Variants in CHD3 observed in about 807,000 individuals in gnomAD.
CHD3 encodes ATP-dependent chromatin remodeler CHD3.
A neutral mutation model predicts 248.9 loss-of-function variants in CHD3; 52 were observed. That is an observed-to-expected ratio of 0.21 (90% CI 0.17 to 0.26). CHD3 has a LOEUF of 0.26. Among genes scored for constraint, CHD3 ranks in the 10% least tolerant of loss-of-function variants. The pLI is 1.00. For synonymous variants in CHD3, 985 were observed against 985.2 expected, an observed-to-expected ratio of 1.00 and a Z score of 0.00; for missense variants, 1,482 against 2,605.8, an observed-to-expected ratio of 0.57 and a Z score of 9.39.
chr17:7,899,592 C>G lies in CHD3; in HGVS notation c.2544+49C>G, dbSNP rs763610261. On this transcript the variant is annotated intron_variant, in intron 15 of 39. Transcript: ENST00000330494. This position sits in a 1 kb window ranked among gnomAD's most constrained non-coding sequence, Gnocchi z 6.8. ...TCTGAGACCCTCAAAGCTGTCACTT[C>G]TTTTTCTCAGCCAGGAATTCAGTTT... The G allele has an allele frequency of 1.3e-4, 199 of 1,567,888 alleles. No homozygotes were observed. The highest frequency in any genetic ancestry group is 1.6e-4 in the Non-Finnish European group (186 of 1,143,928).
chr17:7,885,156 G>C (rs1967596338), upstream of CHD3: 2 of 981,990 alleles, frequency 2.0e-6, no homozygotes, highest in South Asian at 9.0e-5. Flanking sequence ...GCGGGGGCGA[G>C]GCACCCACCG....
Position 7,910,290 on chromosome 17 carries a change from G to A in CHD3, c.5591-138G>A. ...ACTTCTTTTACTTTCTTGATCTCTG[G>A]TTCTTTGACATCTGTGTTCTCCTCT... is the stretch of plus-strand genomic sequence containing the variant. On this transcript the variant is annotated intron_variant, in intron 37 of 39. Transcript: ENST00000330494. This position sits in a 1 kb window ranked among gnomAD's most constrained non-coding sequence, Gnocchi z 4.7. The A allele has an allele frequency of 9.5e-7, 1 of 1,055,700 alleles. No homozygotes were observed. The highest frequency in any genetic ancestry group is 1.5e-6 in the Non-Finnish European group (1 of 686,852). 65.4% of individuals were successfully genotyped at this position (1,055,700 alleles called of 1,614,324 possible). A position where few individuals can be genotyped will look rare whatever the true frequency, so the allele number is the denominator to read the frequency against.
At chr17:7,892,945 T>C (rs898762038) in intron 4 of CHD3, among the ~76,000 whole-genome samples, 1 of 151,902 alleles carries the variant, frequency 6.6e-6, no homozygotes, top group Non-Finnish European at 1.5e-5. Flanking sequence ...TAATTATTTT[T>C]TTTTATTTTA....
intron 12 of CHD3, among the ~76,000 whole-genome samples, 184 bp downstream of exon 12, chr17:7,898,286 C>G (rs977174131): frequency 7.9e-5 from 12 of 152,160 alleles, no homozygotes; most frequent in African/African-American, 2.9e-4. Flanking sequence ...GAAACAAGAT[C>G]TGGCTGAGTA....
rs1241139282 is a variant in CHD3, at chr17:7,910,220, C to T, written c.5591-208C>T. The T allele has an allele frequency of 3.3e-6, 2 of 606,688 alleles. No individual in the cohort carries two copies. The highest frequency in any genetic ancestry group is 5.8e-6 in the Non-Finnish European group (2 of 344,232). 37.6% of individuals were successfully genotyped at this position (606,688 alleles called of 1,614,324 possible). ...GTAATCTGGTCTCTCTGTCTCTTTT[C>T]CTGACACTTTTTCTTTTCCCCTGAG... is the stretch of plus-strand genomic sequence containing the variant. On this transcript the variant is annotated intron_variant, in intron 37 of 39. Coordinates refer to ENST00000330494, the MANE Select transcript of CHD3 (RefSeq NM_001005273.3). The surrounding 1 kb of genome is among the most constrained non-coding windows in gnomAD (Gnocchi z 4.7).
Position 7,904,670 on chromosome 17 carries a change from A to C in CHD3, c.4072+51A>C. The stretch of plus-strand genomic sequence containing the variant: ...GTAAAGGGGGGAAGTGATGATGAGT[A>C]GGGACTTGAAGGCTGGAGCTATTTA... On this transcript the variant is annotated intron_variant, in intron 25 of 39. Coordinates refer to ENST00000330494, the MANE Select transcript of CHD3 (RefSeq NM_001005273.3). This position sits in a 1 kb window ranked among gnomAD's most constrained non-coding sequence, Gnocchi z 4.4. 6.6e-7 allele frequency: 1 copy of C among 1,504,578 alleles called. No individual in the cohort carries two copies. Among genetic ancestry groups the C allele is most frequent in the Non-Finnish European group, 9.1e-7 (1 of 1,095,482 alleles). 93.2% of individuals were successfully genotyped at this position (1,504,578 alleles called of 1,614,324 possible). A position where few individuals can be genotyped will look rare whatever the true frequency, so the allele number is the denominator to read the frequency against.
rs543644320 is a variant in CHD3, at chr17:7,889,379, A to C, written c.100+279A>C. 2.2e-4 allele frequency among the ~76,000 whole-genome samples: 34 copies of C among 152,338 alleles called. No homozygotes were observed. The highest frequency in any genetic ancestry group is 7.9e-4 in the African/African-American group (33 of 41,584). ...GGCGGTGACTGAAAGGACCTGCCACAGTCAGAGCCCATGGCCTGGAGCCTG... is the reference window on the plus strand; with the variant it reads ...GGCGGTGACTGAAAGGACCTGCCACCGTCAGAGCCCATGGCCTGGAGCCTG... On this transcript the variant is annotated intron_variant, in intron 1 of 39. Transcript: ENST00000330494. This position sits in a 1 kb window ranked among gnomAD's most constrained non-coding sequence, Gnocchi z 4.5.
chr17:7,885,682 G>A (rs1394870664), upstream of CHD3, among the ~76,000 whole-genome samples: 1 of 152,118 alleles, frequency 6.6e-6, no homozygotes, highest in Non-Finnish European at 1.5e-5. Flanking sequence ...CTCAGGACTT[G>A]GACAGGCAGA....
chr17:7,901,273 T>C lies in CHD3; in HGVS notation c.3150T>C (p.Tyr1050=), dbSNP rs1193474374. The part of the protein sequence containing the change: ...MESPKLPSGA[Y]EGGALIKSSG... Reference sequence around the variant, plus strand: ...CCCCCAAACTCCCCAGTGGGGCTTATGAGGGTGGGGCACTTATTAAGTCGT... The same window carrying C: ...CCCCCAAACTCCCCAGTGGGGCTTACGAGGGTGGGGCACTTATTAAGTCGT... The change falls in exon 20 of 40, where the codon TAT becomes TAC. Residue 1050 remains tyrosine, a synonymous_variant. Coordinates refer to ENST00000330494, the MANE Select transcript of CHD3 (RefSeq NM_001005273.3). 2 of 1,612,380 alleles carry C rather than the reference T, an allele frequency of 1.2e-6. No individual in the cohort carries two copies. Among genetic ancestry groups the C allele is most frequent in the East Asian group, 2.2e-5 (1 of 44,860 alleles).
In CHD3 at chr17:7,897,076, C is replaced by A; in HGVS notation, c.1708-7C>A. 6.2e-7 allele frequency: 1 copy of A among 1,612,636 alleles called. No homozygotes were observed. ...TATCTCTTTCCCTTTTTTCTGTGCC[C>A]TGCTAGCTGGAAATCTTCCATTTGG... On this transcript the variant is annotated splice_region_variant and splice_polypyrimidine_tract_variant and intron_variant, in intron 10 of 39. Coordinates refer to ENST00000330494, the MANE Select transcript of CHD3 (RefSeq NM_001005273.3). The surrounding 1 kb of genome is among the most constrained non-coding windows in gnomAD (Gnocchi z 4.8).
At chr17:7,898,181 T>G in intron 12 of CHD3, 79 bp downstream of exon 12, 2 of 1,542,870 alleles carry the variant, frequency 1.3e-6, no homozygotes, top group Non-Finnish European at 1.8e-6. Context: ...AAAATGAGGG[T>G]ACAGTAGGGC....
In CHD3 at chr17:7,911,014, C is replaced by A; in HGVS notation, c.5881+41C>A. On this transcript the variant is annotated intron_variant, in intron 39 of 39. Coordinates refer to ENST00000330494, the MANE Select transcript of CHD3 (RefSeq NM_001005273.3). The surrounding 1 kb of genome is among the most constrained non-coding windows in gnomAD (Gnocchi z 5.4). ...CCTACCCCCTGCTACTCACACTCCT[C>A]CTTTGCCAAACTTTATTTCTGCTCA... is the stretch of plus-strand genomic sequence containing the variant. 1 of 1,609,252 alleles carries A rather than the reference C, an allele frequency of 6.2e-7. No homozygotes were observed. Among genetic ancestry groups the A allele is most frequent in the South Asian group, 1.1e-5 (1 of 90,482 alleles).
In CHD3 at chr17:7,906,445, C is replaced by T. The variant is rs1970961678; in HGVS notation, c.4359-108C>T. The T allele has an allele frequency of 4.2e-6, 5 of 1,190,286 alleles. No homozygotes were observed. Among genetic ancestry groups the T allele is most frequent in the Non-Finnish European group, 3.6e-6 (3 of 822,096 alleles). The allele number at this position is 1,190,286 out of a possible 1,614,324, so 73.7% of individuals were successfully genotyped here. ...GCCCAGGGGAGGAGCCCTGGAGCACCTGGGGATTTGGGGGTTTGGGGGTCC... is the reference window on the plus strand; with the variant it reads ...GCCCAGGGGAGGAGCCCTGGAGCACTTGGGGATTTGGGGGTTTGGGGGTCC... On this transcript the variant is annotated intron_variant, in intron 28 of 39. Coordinates refer to ENST00000330494, the MANE Select transcript of CHD3 (RefSeq NM_001005273.3). This position sits in a 1 kb window ranked among gnomAD's most constrained non-coding sequence, Gnocchi z 5.0.
rs1161292873 is a variant in CHD3 at position 7,895,174 on chromosome 17, G to A, written c.1503+24G>A. The stretch of plus-strand genomic sequence containing the variant: ...CAGTGAGTGGAAACATCTCCCCTCT[G>A]TATTTACTGTCAGGCCTGATCCCTT... On this transcript the variant is annotated intron_variant, in intron 9 of 39. Transcript: ENST00000330494. This position sits in a 1 kb window ranked among gnomAD's most constrained non-coding sequence, Gnocchi z 4.9. The A allele has an allele frequency of 6.2e-7, 1 of 1,608,800 alleles. No homozygotes were observed. Among genetic ancestry groups the A allele is most frequent in the Non-Finnish European group, 8.5e-7 (1 of 1,176,708 alleles).
In CHD3 at chr17:7,898,568, T is replaced by A; in HGVS notation, c.2124T>A (p.Asp708Glu). ...YKKKKKELQG[D>E]GPPSSPTNDP... ...AGAAGAAGAAGGAGCTACAGGGTGATGGGCCTCCCAGTTCTCCCACTAATG... is the reference window on the plus strand; with the variant it reads ...AGAAGAAGAAGGAGCTACAGGGTGAAGGGCCTCCCAGTTCTCCCACTAATG... Residue 708 changes from aspartate to glutamate, a missense_variant, in exon 13 of 40, where the codon GAT (aspartate) becomes GAA (glutamate). By Grantham distance (45) the Asp-to-Glu change is conservative. Coordinates refer to ENST00000330494, the MANE Select transcript of CHD3 (RefSeq NM_001005273.3). 6.2e-7 allele frequency: 1 copy of A among 1,613,972 alleles called. No homozygotes were observed.
Position 7,893,396 on chromosome 17 carries a change from C to T in CHD3, c.620C>T (p.Ala207Val). 4.3e-6 allele frequency: 7 copies of T among 1,613,600 alleles called. No homozygotes were observed. The highest frequency in any genetic ancestry group is 5.9e-6 in the Non-Finnish European group (7 of 1,179,822). The change falls in exon 5 of 40, where the codon GCT becomes GTT. Residue 207 changes from alanine to valine, a missense_variant. Coordinates refer to ENST00000330494, the MANE Select transcript of CHD3 (RefSeq NM_001005273.3). Reference protein sequence around the residue: ...SANNPFKGSAAAVAAAAAAAA... With the variant: ...SANNPFKGSAVAVAAAAAAAA... The stretch of plus-strand genomic sequence containing the variant: ...AACAACCCCTTCAAGGGGTCAGCAG[C>T]TGCTGTGGCGGCGGCAGCGGCAGCA...
At position 7,908,123 on chromosome 17, in the gene CHD3, A is replaced by G; in HGVS notation, c.5152+104A>G. On this transcript the variant is annotated intron_variant, in intron 34 of 39. Coordinates refer to ENST00000330494, the MANE Select transcript of CHD3 (RefSeq NM_001005273.3). This position sits in a 1 kb window ranked among gnomAD's most constrained non-coding sequence, Gnocchi z 5.8. ...TTCCTGCTACCTTTAATTCCAAGTA[A>G]CTTCCAATGAAGTATGTTGCATGCT... The G allele has an allele frequency of 7.3e-7, 1 of 1,366,200 alleles. No homozygotes were observed. 84.6% of individuals were successfully genotyped at this position (1,366,200 alleles called of 1,614,324 possible).
Position 7,903,373 on chromosome 17 carries a change from G to A in CHD3, c.3597G>A (p.Lys1199=), listed in dbSNP as rs1293489977. The change falls in exon 23 of 40, where the codon AAG becomes AAA. Residue 1199 remains lysine, a synonymous_variant. Transcript: ENST00000330494. This position sits in a 1 kb window ranked among gnomAD's most constrained non-coding sequence, Gnocchi z 6.8. ...AAGAGCGAATCACACAAGTGGCCAA[G>A]AGAAAGATGATGCTGACACACCTGG... The part of the protein sequence containing the change: ...SVEERITQVA[K]RKMMLTHLVV... The A allele has an allele frequency of 1.2e-6, 2 of 1,614,120 alleles. No homozygotes were observed. Among genetic ancestry groups the A allele is most frequent in the African/African-American group, 2.7e-5 (2 of 74,936 alleles).
rs1216867483 is a variant in CHD3 at position 7,903,191 on chromosome 17, T to G, written c.3496-81T>G. On this transcript the variant is annotated intron_variant, in intron 22 of 39. Transcript: ENST00000330494. The surrounding 1 kb of genome is among the most constrained non-coding windows in gnomAD (Gnocchi z 6.8). ...GAGAGAAGGCCCTTCTTCAGCAGCC[T>G]TCTTTCCTGAGGCAGCTCTATGGGC... The G allele has an allele frequency of 1.9e-6, 3 of 1,576,606 alleles. No individual in the cohort carries two copies. The highest frequency in any genetic ancestry group is 1.1e-5 in the South Asian group (1 of 88,966).
Sources: allele counts gnomAD v4.1 joint callset (sites outside exome capture counted in the v4.1 genomes callset), GRCh38; gene constraint gnomAD v4.1.1; non-coding constraint Gnocchi (gnomAD v3.1); transcripts MANE v1.5; gene names NCBI Gene and HGNC (gene_info 2026-07-23, HGNC 2026-07-21).